SPEF2: variants seen among roughly 807,000 people sequenced by gnomAD.
SPEF2 encodes sperm flagellar and cilia associated 2.
A neutral mutation model predicts 224.6 loss-of-function variants in SPEF2; 187 were observed. The ratio of observed to expected loss-of-function variants is 0.83; its 90% CI spans 0.74 to 0.94. The LOEUF (loss-of-function observed/expected upper bound fraction) is 0.94, where lower values mean the gene tolerates loss of function less well. Ranked by LOEUF, SPEF2 falls within the 40% of genes least tolerant of loss-of-function variation. The pLI, the probability that SPEF2 is intolerant of heterozygous loss-of-function variation, is 0.00. For synonymous variants in SPEF2, 715 were observed against 707.3 expected (o/e 1.01, Z -0.17); for missense variants, 2,170 against 2,135.6 (o/e 1.02, Z -0.32).
intron 23 of SPEF2, among the ~76,000 whole-genome samples, chr5:35,750,674 A>G (rs1749268944): frequency 6.6e-6 from 1 of 151,964 alleles, no homozygotes; most frequent in Non-Finnish European, 1.5e-5. Context: ...GAATGGCCAT[A>G]ATGAAAAAAA....
intron 10 of SPEF2, among the ~76,000 whole-genome samples, chr5:35,682,066 T>G (rs1752905467): frequency 1.3e-5 from 2 of 152,144 alleles, no homozygotes; most frequent in African/African-American, 2.4e-5. Context: ...TACAAAGTGC[T>G]GTGCCAAGGG....
At chr5:35,805,650 T>G (rs1388075268) in intron 34 of SPEF2, among the ~76,000 whole-genome samples, 1 of 152,168 alleles carries the variant, frequency 6.6e-6, no homozygotes, top group Non-Finnish European at 1.5e-5. Context: ...CAGACACATA[T>G]GCACACAAAT....
intron 11 of SPEF2, 88 bp downstream of exon 11, chr5:35,691,344 A>G: frequency 9.9e-7 from 1 of 1,011,766 alleles, no homozygotes; most frequent in Non-Finnish European, 1.5e-6. Context: ...AAAAACATAC[A>G]AGAAGCACTG....
At chr5:35,775,480 T>C (rs780119024) in intron 28 of SPEF2, among the ~76,000 whole-genome samples, 3 of 151,968 alleles carry the variant, frequency 2.0e-5, no homozygotes, top group Non-Finnish European at 2.9e-5. Flanking sequence ...CCATGAGGCA[T>C]GTTCTGGGAA....
At chr5:35,797,354 G>A (rs1197750113) in intron 33 of SPEF2, among the ~76,000 whole-genome samples, 1 of 151,170 alleles carries the variant, frequency 6.6e-6, no homozygotes, top group Non-Finnish European at 1.5e-5. Flanking sequence ...GTGTGTGTGT[G>A]TGTGTGTGAT....
At position 35,694,045 on chromosome 5, in the gene SPEF2, T is replaced by A. The variant is rs535427121; in HGVS notation, c.1900-243T>A. ...ATTTTACATAGTAATTGAAGACCATTCAAAAGACAGATTACATCACAGGTT... is the reference window on the plus strand; with the variant it reads ...ATTTTACATAGTAATTGAAGACCATACAAAAGACAGATTACATCACAGGTT... On this transcript the variant is annotated intron_variant, in intron 12 of 36. Coordinates refer to ENST00000356031, the MANE Select transcript of SPEF2 (RefSeq NM_024867.4). Among the ~76,000 whole-genome samples, 9 of 152,302 alleles carry A rather than the reference T, an allele frequency of 5.9e-5. No individual in the cohort carries two copies. In the East Asian group the frequency reaches 1.7e-3, roughly 29 times the overall value.
chr5:35,703,853 G>A (rs1256436179), intron 16 of SPEF2, among the ~76,000 whole-genome samples: 3 of 152,116 alleles, frequency 2.0e-5, no homozygotes, highest in Admixed American at 6.6e-5. Flanking sequence ...TATCCTGTGA[G>A]GGTTCTTCAT....
intron 16 of SPEF2, among the ~76,000 whole-genome samples, chr5:35,702,958 G>A (rs1026486282): frequency 1.3e-5 from 2 of 152,050 alleles, no homozygotes; most frequent in African/African-American, 4.8e-5. Flanking sequence ...TTCATGGAGG[G>A]TGGGAGAGAG....
chr5:35,622,397 A>G (rs1020821524), intron 1 of SPEF2, among the ~76,000 whole-genome samples: 4 of 152,208 alleles, frequency 2.6e-5, no homozygotes, highest in African/African-American at 4.8e-5. Flanking sequence ...TTTTTATGCA[A>G]TAGTTCATAA....
chr5:35,696,591 A>G (rs1291923694), intron 14 of SPEF2, among the ~76,000 whole-genome samples: 2 of 152,218 alleles, frequency 1.3e-5, no homozygotes, highest in Non-Finnish European at 2.9e-5. Context: ...ATTGTTTTGT[A>G]CACTGTTTTA....
At chr5:35,670,725 T>G (rs1296828296) in intron 10 of SPEF2, 4 of 985,740 alleles carry the variant, frequency 4.1e-6, no homozygotes, top group Non-Finnish European at 4.8e-6. Context: ...CTGTGATTTT[T>G]AGAAGAACTG....
At chr5:35,642,520 C>T (rs539678074) in intron 3 of SPEF2, among the ~76,000 whole-genome samples, 2 of 152,164 alleles carry the variant, frequency 1.3e-5, no homozygotes, top group African/African-American at 2.4e-5. Context: ...GTCATATGAC[C>T]TTACCAGATT....
At chr5:35,690,546 A>G (rs945510105) in intron 10 of SPEF2, among the ~76,000 whole-genome samples, 18 of 152,152 alleles carry the variant, frequency 1.2e-4, no homozygotes, top group Non-Finnish European at 1.5e-5. Flanking sequence ...TGATCCATAT[A>G]GTGTTTTTTC....
chr5:35,802,339 G>T (rs1757531651), intron 34 of SPEF2, among the ~76,000 whole-genome samples: 1 of 152,174 alleles, frequency 6.6e-6, no homozygotes, highest in African/African-American at 2.4e-5. Flanking sequence ...CCCTGGCAGG[G>T]CGGAGCACAT....
At chr5:35,768,243 A>G (rs977982019) in intron 26 of SPEF2, among the ~76,000 whole-genome samples, 2 of 152,168 alleles carry the variant, frequency 1.3e-5, no homozygotes, top group African/African-American at 2.4e-5. Context: ...GTTAGTGACA[A>G]TGATGATCAT....
intron 21 of SPEF2, among the ~76,000 whole-genome samples, chr5:35,733,678 G>C (rs1276201728): frequency 6.6e-6 from 1 of 152,050 alleles, no homozygotes; most frequent in Non-Finnish European, 1.5e-5. Context: ...TGAAGTGTTT[G>C]GACTTCATCT....
intron 10 of SPEF2, among the ~76,000 whole-genome samples, chr5:35,676,706 G>A (rs777433859): frequency 3.3e-5 from 5 of 152,046 alleles, no homozygotes; most frequent in Admixed American, 6.5e-5. Flanking sequence ...TCCAGCCTGG[G>A]TGACAGAGTG....
chr5:35,625,592 G>T (rs998455823), intron 1 of SPEF2, among the ~76,000 whole-genome samples: 2 of 152,206 alleles, frequency 1.3e-5, no homozygotes, highest in Non-Finnish European at 2.9e-5. Context: ...ACAAGACCCT[G>T]ATGGCGTAGG....
chr5:35,773,094 A>T (rs978077671), intron 27 of SPEF2, among the ~76,000 whole-genome samples: 2 of 152,198 alleles, frequency 1.3e-5, no homozygotes, highest in Non-Finnish European at 2.9e-5. Flanking sequence ...ATATAATTAA[A>T]TTAGCCAGGA....
Sources: allele counts gnomAD v4.1 joint callset (sites outside exome capture counted in the v4.1 genomes callset), GRCh38; gene constraint gnomAD v4.1.1; transcripts MANE v1.5; gene names NCBI Gene and HGNC (gene_info 2026-07-23, HGNC 2026-07-21).